The following EML6 variants were observed in gnomAD, a reference collection of about 807,000 sequenced individuals.
EML6 encodes the protein EMAP like 6.
EML6 carries 154 observed loss-of-function variants against 240.1 expected under a neutral mutation model. The observed-to-expected ratio is 0.64, with a 90% CI of 0.56 to 0.73. EML6 has a LOEUF of 0.73. Among genes scored for constraint, EML6 ranks in the 30% least tolerant of loss-of-function variants. The pLI, the probability that EML6 is intolerant of heterozygous loss-of-function variation, is 0.00. For missense variants in EML6, 2,964 were observed against 2,474.6 expected, an observed-to-expected ratio of 1.20 and a Z score of -4.20; for synonymous variants, 1,148 against 899.0, an observed-to-expected ratio of 1.28 and a Z score of -4.95.
At chr2:54,816,523 TCTC>T (rs1668089280) in intron 3 of EML6, among the ~76,000 whole-genome samples, 1 of 152,156 alleles carries the variant, frequency 6.6e-6, no homozygotes, top group Non-Finnish European at 1.5e-5. Context: ...GTTTCAGAGA[TCTC>T]CTGAGAGTTT....
At chr2:54,957,766 C>A in intron 32 of EML6, 24 bp from the exon 33 acceptor site, 1 of 1,548,412 alleles carries the variant, frequency 6.5e-7, no homozygotes, top group South Asian at 1.2e-5. Flanking sequence ...TGAGGAGCCT[C>A]ACTGGACTCT....
At chr2:54,859,351 C>A (rs545359861) in intron 11 of EML6, among the ~76,000 whole-genome samples, 183 bp from the exon 12 acceptor site, 9 of 152,228 alleles carry the variant, frequency 5.9e-5, no homozygotes, top group Non-Finnish European at 1.0e-4. Context: ...TAGCTTACTG[C>A]ATATTGGAAT....
chr2:54,913,575 A>C (rs1022643344), intron 25 of EML6, among the ~76,000 whole-genome samples: 3 of 152,160 alleles, frequency 2.0e-5, no homozygotes, highest in African/African-American at 7.2e-5. Flanking sequence ...ATAGTTTGCA[A>C]ATACTTTCTC....
At chr2:54,891,299 C>CT in intron 18 of EML6, 145 bp downstream of exon 18, 1 of 504,168 alleles carries the variant, frequency 2.0e-6, no homozygotes, top group South Asian at 3.8e-5. Context: ...CCCAAGTTCG[C>CT]TTAGAACGCT....
intron 24 of EML6, among the ~76,000 whole-genome samples, chr2:54,905,009 C>T (rs1357286849): frequency 6.6e-6 from 1 of 152,106 alleles, no homozygotes; most frequent in African/African-American, 2.4e-5. Flanking sequence ...GAGAAAAAAG[C>T]ATGTGATGCA....
chr2:54,859,469 G>C (rs878914134), intron 11 of EML6, 65 bp from the exon 12 acceptor site: 6 of 1,234,362 alleles, frequency 4.9e-6, no homozygotes, highest in Non-Finnish European at 5.7e-6. Flanking sequence ...ACAGAAGGGG[G>C]GTTGTTTTAA....
Position 54,957,938 on chromosome 2 carries a change from G to C in EML6, c.4635G>C (p.Gly1545=). Residue 1545 remains glycine, a synonymous_variant, in exon 33 of 42, where the codon GGG becomes GGC. Coordinates refer to ENST00000356458, the MANE Select transcript of EML6 (RefSeq NM_001039753.4). ...LAGSALLYKK[G]VIGSLGAAKM... ...GCAGCGCCTTGCTTTACAAGAAAGG[G>C]GTCATCGGGTCCCTGGGAGCTGCCA... The C allele has an allele frequency of 6.4e-7, 1 of 1,551,590 alleles. No homozygotes were observed. Among genetic ancestry groups the C allele is most frequent in the South Asian group, 1.2e-5 (1 of 84,044 alleles).
intron 16 of EML6, among the ~76,000 whole-genome samples, chr2:54,873,924 A>C (rs1328825745): frequency 1.3e-5 from 2 of 150,948 alleles, no homozygotes; most frequent in African/African-American, 4.9e-5. Flanking sequence ...TATCAAGATA[A>C]AAGAAAAAAT....
Position 54,928,817 on chromosome 2 carries a change from G to A in EML6, c.4004+66G>A, listed in dbSNP as rs891216200. ...TGACAAGAAACTTGTTTAAGCCAGA[G>A]TGCGTTTTCTTTGCCCTCAAAGTTG... On this transcript the variant is annotated intron_variant, in intron 28 of 41. Coordinates refer to ENST00000356458, the MANE Select transcript of EML6 (RefSeq NM_001039753.4). 23 of 1,542,152 alleles carry A rather than the reference G, an allele frequency of 1.5e-5. No homozygotes were observed. In the South Asian group the frequency reaches 2.6e-4, roughly 18 times the overall value.
At chr2:54,823,850 T>TTCTCTCTCTCTC (rs147852134) in intron 5 of EML6, among the ~76,000 whole-genome samples, 1,234 of 72,262 alleles carry the variant, frequency 0.017, 31 homozygotes, top group African/African-American at 0.063. Context: ...CATTCATTCA[T>TTCTCTCTCTCTC]TCTCTCTCTC....
chr2:54,853,064 T>A (rs2103770260), intron 10 of EML6, among the ~76,000 whole-genome samples: 1 of 152,340 alleles, frequency 6.6e-6, no homozygotes, highest in Non-Finnish European at 1.5e-5. Flanking sequence ...ATTTAAATAA[T>A]ATTCACTAAT....
intron 2 of EML6, among the ~76,000 whole-genome samples, chr2:54,811,727 A>G (rs1179181625): frequency 6.6e-6 from 1 of 152,200 alleles, no homozygotes; most frequent in Admixed American, 6.5e-5. Context: ...ATGAGCAAAC[A>G]TGGCATGCCA....
intron 2 of EML6, among the ~76,000 whole-genome samples, chr2:54,749,843 C>T (rs1684079399): frequency 6.6e-6 from 1 of 152,180 alleles, no homozygotes; most frequent in South Asian, 2.1e-4. Flanking sequence ...CAGTTATTGT[C>T]ATCTGATGGT....
intron 25 of EML6, among the ~76,000 whole-genome samples, chr2:54,915,734 A>C (rs554096117): frequency 6.6e-6 from 1 of 152,244 alleles, no homozygotes; most frequent in East Asian, 1.9e-4. Context: ...CAATAACAAC[A>C]AGCAGAAATT....
At chr2:54,967,478 C>T (rs1676800168) in intron 39 of EML6, among the ~76,000 whole-genome samples, 1 of 152,142 alleles carries the variant, frequency 6.6e-6, no homozygotes, top group Non-Finnish European at 1.5e-5. Flanking sequence ...GAAACAATGG[C>T]TAATTCATGG....
At chr2:54,879,873 T>C in intron 17 of EML6, 1 of 509,554 alleles carries the variant, frequency 2.0e-6, no homozygotes, top group Non-Finnish European at 3.5e-6. Flanking sequence ...CAGAGAGTCA[T>C]TCACCGCTTC....
intron 7 of EML6, among the ~76,000 whole-genome samples, chr2:54,839,021 G>C (rs934765123): frequency 1.3e-5 from 2 of 152,204 alleles, no homozygotes; most frequent in Non-Finnish European, 2.9e-5. Flanking sequence ...AGAATAGAAA[G>C]CAGTATAAGA....
chr2:54,936,767 T>G (rs975002958), intron 28 of EML6, among the ~76,000 whole-genome samples: 8 of 152,234 alleles, frequency 5.3e-5, no homozygotes, highest in African/African-American at 1.9e-4. Flanking sequence ...TTTATAACAT[T>G]ATTTTACTTA....
rs933722394 is a variant in EML6, at chr2:54,958,989, A to T, written c.4696-115A>T. 48 of 997,114 alleles carry T rather than the reference A, an allele frequency of 4.8e-5. No homozygotes were observed. In the African/African-American group the frequency reaches 7.1e-4, roughly 15 times the overall value. 61.8% of individuals were successfully genotyped at this position (997,114 alleles called of 1,614,324 possible). A position where few individuals can be genotyped will look rare whatever the true frequency, so the allele number is the denominator to read the frequency against. On this transcript the variant is annotated intron_variant, in intron 33 of 41. Coordinates refer to ENST00000356458, the MANE Select transcript of EML6 (RefSeq NM_001039753.4). ...CTGCTTTCCTTAGCACAAAGAGATC[A>T]AACTGCCTAGGCTGTCTGCATCTCT...
Sources: allele counts gnomAD v4.1 joint callset (sites outside exome capture counted in the v4.1 genomes callset), GRCh38; gene constraint gnomAD v4.1.1; transcripts MANE v1.5; gene names NCBI Gene and HGNC (gene_info 2026-07-23, HGNC 2026-07-21).